Variants in FCHSD2 observed in about 807,000 individuals in gnomAD.
FCHSD2 encodes FCH and double SH3 domains 2, also known as F-BAR and double SH3 domains protein 2.
In FCHSD2, 38 loss-of-function variants were observed where a neutral mutation model predicts 108.1. The ratio of observed to expected loss-of-function variants is 0.35; its 90% CI spans 0.27 to 0.46. The LOEUF is 0.46. Among genes scored for constraint, FCHSD2 ranks in the 20% least tolerant of loss-of-function variants. The pLI is 1.00. For missense variants in FCHSD2, 751 were observed against 897.8 expected, an observed-to-expected ratio of 0.84 and a Z score of 2.09; for synonymous variants, 279 against 314.7, an observed-to-expected ratio of 0.89 and a Z score of 1.20.
At chr11:73,105,192 G>C (rs538429743) in intron 2 of FCHSD2, among the ~76,000 whole-genome samples, 124 of 152,264 alleles carry the variant, frequency 8.1e-4, no homozygotes, top group African/African-American at 2.6e-3. Context: ...CTGGTTAGGT[G>C]GGGGGAAGAC....
chr11:73,058,771 T>C (rs1591520820), intron 3 of FCHSD2, among the ~76,000 whole-genome samples: 1 of 151,998 alleles, frequency 6.6e-6, no homozygotes, highest in East Asian at 1.9e-4. Flanking sequence ...TTTTACCATG[T>C]TGGCCAGGCT....
At chr11:73,088,348 T>C (rs1859872662) in intron 2 of FCHSD2, among the ~76,000 whole-genome samples, 1 of 152,194 alleles carries the variant, frequency 6.6e-6, no homozygotes, top group South Asian at 2.1e-4. Context: ...TGTAGTAGGC[T>C]ATGGTTTGTG....
intron 3 of FCHSD2, among the ~76,000 whole-genome samples, chr11:73,049,563 T>A (rs1320221649): frequency 6.8e-6 from 1 of 147,644 alleles, no homozygotes; most frequent in Admixed American, 6.7e-5. Context: ...AGGGATAGCA[T>A]TGGGAGATAT....
chr11:72,861,754 A>C (rs370119525), intron 13 of FCHSD2, among the ~76,000 whole-genome samples: 1 of 152,074 alleles, frequency 6.6e-6, no homozygotes, highest in East Asian at 1.9e-4. Flanking sequence ...ACATAGAGAA[A>C]CCCTATCTCT....
chr11:73,038,150 C>A (rs926557419), intron 3 of FCHSD2, among the ~76,000 whole-genome samples: 2 of 151,870 alleles, frequency 1.3e-5, no homozygotes, highest in African/African-American at 2.4e-5. Flanking sequence ...TCAAGCCAAG[C>A]CTAGGCAACA....
chr11:72,841,735 T>C (rs1418386217), intron 17 of FCHSD2, among the ~76,000 whole-genome samples, 152 bp from the exon 18 acceptor site: 2 of 152,192 alleles, frequency 1.3e-5, no homozygotes, highest in African/African-American at 4.8e-5. Flanking sequence ...GAGCATTAAA[T>C]AACCACCTCA....
chr11:72,885,189 G>A (rs569499559), intron 12 of FCHSD2, among the ~76,000 whole-genome samples: 11 of 151,536 alleles, frequency 7.3e-5, no homozygotes, highest in African/African-American at 2.7e-4. Context: ...ATATTTGCTG[G>A]CTAATTTTAC....
intron 2 of FCHSD2, among the ~76,000 whole-genome samples, chr11:73,089,314 G>T (rs1208320941): frequency 1.3e-5 from 2 of 152,152 alleles, no homozygotes; most frequent in African/African-American, 4.8e-5. Context: ...GAAGAAATCA[G>T]AACTCTCATA....
chr11:73,087,147 T>C (rs1463675441), intron 2 of FCHSD2, among the ~76,000 whole-genome samples: 1 of 152,204 alleles, frequency 6.6e-6, no homozygotes, highest in South Asian at 2.1e-4. Context: ...ATAATATTGA[T>C]GATTCTGACA....
At chr11:73,021,631 G>A (rs747957375) in intron 3 of FCHSD2, among the ~76,000 whole-genome samples, 21 of 151,874 alleles carry the variant, frequency 1.4e-4, no homozygotes, top group Non-Finnish European at 2.1e-4. Context: ...CCTGGGTAAC[G>A]AAATAATCTG....
rs1368756666 is a variant in FCHSD2 at position 72,844,077 on chromosome 11, T to A, written c.1444-545A>T. Among the ~76,000 whole-genome samples, 3 of 152,130 alleles carry A rather than the reference T, an allele frequency of 2.0e-5. No homozygotes were observed. In the East Asian group the frequency reaches 5.8e-4, roughly 29 times the overall value. On this transcript the variant is annotated intron_variant, in intron 14 of 19. Coordinates refer to ENST00000409418, the MANE Select transcript of FCHSD2 (RefSeq NM_014824.3). ...ACCTGGGTTCCAACTCCAGCTTCTG[T>A]ATCAAGTTATTCAACTTGATGCCTC...
intron 10 of FCHSD2, among the ~76,000 whole-genome samples, chr11:72,895,305 C>A (rs1441542535): frequency 6.6e-6 from 1 of 152,116 alleles, no homozygotes; most frequent in Non-Finnish European, 1.5e-5. Context: ...CTGAAAGGAG[C>A]TATTCTTTTG....
At chr11:72,908,393 T>C (rs1187185222) in intron 9 of FCHSD2, among the ~76,000 whole-genome samples, 1 of 152,222 alleles carries the variant, frequency 6.6e-6, no homozygotes, top group Non-Finnish European at 1.5e-5. Flanking sequence ...TTTGGGTGTA[T>C]ACCTAGCAGT....
At chr11:72,858,587 G>A (rs1366886991) in intron 13 of FCHSD2, among the ~76,000 whole-genome samples, 1 of 152,126 alleles carries the variant, frequency 6.6e-6, no homozygotes, top group Non-Finnish European at 1.5e-5. Context: ...GACACATAGA[G>A]GGGATCAACA....
chr11:73,121,754 T>C (rs1860739651), intron 2 of FCHSD2, among the ~76,000 whole-genome samples: 2 of 151,948 alleles, frequency 1.3e-5, no homozygotes, highest in South Asian at 4.1e-4. Context: ...ATAACAGTGG[T>C]CCACAAACTT....
chr11:73,087,163 T>C (rs980899836), intron 2 of FCHSD2, among the ~76,000 whole-genome samples: 1 of 152,152 alleles, frequency 6.6e-6, no homozygotes, highest in African/African-American at 2.4e-5. Flanking sequence ...TGACAGTGTG[T>C]AGGCCTAGGT....
rs532947045 is a variant in FCHSD2, at chr11:73,111,274, C to T, written c.120-27534G>A. Among the ~76,000 whole-genome samples the T allele has an allele frequency of 9.3e-4, 142 of 152,236 alleles. 1 individual carries two copies. The highest frequency in any genetic ancestry group is 3.2e-3 in the African/African-American group (135 of 41,554). ...TCTCTCTTTTTAGCTCTAATATTTGCTTTACATATCTGGGTGCTCCAGTAT... is the reference window on the plus strand; with the variant it reads ...TCTCTCTTTTTAGCTCTAATATTTGTTTTACATATCTGGGTGCTCCAGTAT... On this transcript the variant is annotated intron_variant, in intron 2 of 19. Coordinates refer to ENST00000409418, the MANE Select transcript of FCHSD2 (RefSeq NM_014824.3).
At chr11:72,901,301 G>A (rs1366940976) in intron 10 of FCHSD2, among the ~76,000 whole-genome samples, 1 of 42,452 alleles carries the variant, frequency 2.4e-5, no homozygotes, top group African/African-American at 1.0e-4. Context: ...GGAGGCTGAT[G>A]TGGGAGGATC....
intron 13 of FCHSD2, among the ~76,000 whole-genome samples, chr11:72,853,921 T>C (rs1861358488): frequency 6.6e-6 from 1 of 152,164 alleles, no homozygotes; most frequent in South Asian, 2.1e-4. Context: ...TTTGAAGAGA[T>C]ATCTTTCCAA....
Sources: allele counts gnomAD v4.1 joint callset (sites outside exome capture counted in the v4.1 genomes callset), GRCh38; gene constraint gnomAD v4.1.1; transcripts MANE v1.5; gene names NCBI Gene and HGNC (gene_info 2026-07-23, HGNC 2026-07-21).